KDM4C: variants seen among roughly 807,000 people sequenced by gnomAD.
KDM4C encodes the protein lysine-specific demethylase 4C.
A neutral mutation model predicts 129.3 loss-of-function variants in KDM4C; 81 were observed. The observed-to-expected ratio is 0.63, with a 90% confidence interval of 0.52 to 0.75. The LOEUF is 0.75. KDM4C is among the 30% of genes least tolerant of loss of function. The pLI is 0.00. For synonymous variants in KDM4C, 573 were observed against 456.1 expected (o/e 1.26, Z -3.26); for missense variants, 1,457 against 1,304.0 (o/e 1.12, Z -1.81).
Position 7,154,521 on chromosome 9 carries a change from T to C in KDM4C, c.2782-10717T>C, listed in dbSNP as rs553130125. Among the ~76,000 whole-genome samples, 5 of 152,310 alleles carry C rather than the reference T, an allele frequency of 3.3e-5. No homozygotes were observed. In the South Asian group the frequency reaches 1.0e-3, roughly 32 times the overall value. Reference sequence around the variant, plus strand: ...GGACAGCAGCTTCTAGGGATCCCTTTAGAAGGGTCTCGTAAGAGTTCCAAG... The same window carrying C: ...GGACAGCAGCTTCTAGGGATCCCTTCAGAAGGGTCTCGTAAGAGTTCCAAG... On this transcript the variant is annotated intron_variant, in intron 19 of 21. Transcript: ENST00000381309.
chr9:6,997,630 T>G (rs1250935314), intron 12 of KDM4C, among the ~76,000 whole-genome samples: 1 of 152,222 alleles, frequency 6.6e-6, no homozygotes. Context: ...TCTGGTTGAC[T>G]AACAGTCAAT....
At chr9:7,072,861 A>C (rs1038711536) in intron 17 of KDM4C, among the ~76,000 whole-genome samples, 1 of 152,218 alleles carries the variant, frequency 6.6e-6, no homozygotes, top group Non-Finnish European at 1.5e-5. Context: ...ATGGGGTACA[A>C]TGTGATCTTT....
At chr9:7,107,504 GT>G (rs1220254440) in intron 18 of KDM4C, among the ~76,000 whole-genome samples, 1 of 152,172 alleles carries the variant, frequency 6.6e-6, no homozygotes, top group East Asian at 1.9e-4. Flanking sequence ...AAGTTACTTA[GT>G]AAACTTTCAT....
rs375506102 is a variant in KDM4C, at chr9:6,951,577, C to T, written c.922-29348C>T. ...TTATGGTGGGGGCTATTGAGTATCT[C>T]TTGTAACCAGAACTGACCATTTAAG... On this transcript the variant is annotated intron_variant, in intron 8 of 21. Transcript: ENST00000381309. Among the ~76,000 whole-genome samples, 5 of 152,256 alleles carry T rather than the reference C, an allele frequency of 3.3e-5. No homozygotes were observed. In the East Asian group the frequency reaches 7.7e-4, roughly 23 times the overall value.
At chr9:7,058,876 A>T (rs1008636463) in intron 17 of KDM4C, among the ~76,000 whole-genome samples, 24 of 151,744 alleles carry the variant, frequency 1.6e-4, no homozygotes, top group African/African-American at 5.8e-4. Context: ...TTTTTTCTAT[A>T]ATGAATGCCA....
chr9:6,759,912 G>A (rs1384264032), intron 1 of KDM4C, among the ~76,000 whole-genome samples: 1 of 149,836 alleles, frequency 6.7e-6, no homozygotes, highest in Non-Finnish European at 1.5e-5. Context: ...CTGCACTCCA[G>A]CGTGGGTGAC....
At chr9:6,821,109 C>G (rs1258538206) in intron 4 of KDM4C, among the ~76,000 whole-genome samples, 1 of 152,142 alleles carries the variant, frequency 6.6e-6, no homozygotes, top group Non-Finnish European at 1.5e-5. Flanking sequence ...TTTTCTTAAT[C>G]CAGTCTATCA....
intron 4 of KDM4C, among the ~76,000 whole-genome samples, chr9:6,833,675 G>T (rs552737924): frequency 9.7e-4 from 147 of 152,284 alleles, no homozygotes; most frequent in Middle Eastern, 3.4e-3. Context: ...AAAACACCTC[G>T]TACAGGGCCT....
chr9:6,839,393 C>A (rs900119432), intron 4 of KDM4C, among the ~76,000 whole-genome samples: 3 of 142,368 alleles, frequency 2.1e-5, no homozygotes, highest in African/African-American at 7.8e-5. Context: ...CCACACCTGG[C>A]CAGTTTTTTT....
At chr9:6,910,890 G>C (rs1819178294) in intron 8 of KDM4C, among the ~76,000 whole-genome samples, 1 of 152,202 alleles carries the variant, frequency 6.6e-6, no homozygotes, top group Non-Finnish European at 1.5e-5. Context: ...TAAAAATGAT[G>C]TGGAGGTACG....
intron 8 of KDM4C, among the ~76,000 whole-genome samples, chr9:6,978,331 A>G (rs1462540786): frequency 6.7e-6 from 1 of 148,602 alleles, no homozygotes; most frequent in East Asian, 2.2e-4. Context: ...ATAATTCCAA[A>G]TAAACTTTAA....
intron 4 of KDM4C, among the ~76,000 whole-genome samples, chr9:6,827,046 T>A (rs2131279405): frequency 6.6e-6 from 1 of 152,256 alleles, no homozygotes; most frequent in South Asian, 2.1e-4. Flanking sequence ...CCACAGTGGG[T>A]GGCCAGATCG....
intron 8 of KDM4C, among the ~76,000 whole-genome samples, chr9:6,927,524 A>G (rs1014231511): frequency 6.6e-6 from 1 of 152,184 alleles, no homozygotes; most frequent in African/African-American, 2.4e-5. Context: ...TGGAATTGAT[A>G]ATAAGTGATG....
At chr9:6,985,658 A>G (rs894433959) in intron 10 of KDM4C, among the ~76,000 whole-genome samples, 7 of 152,194 alleles carry the variant, frequency 4.6e-5, no homozygotes, top group African/African-American at 1.7e-4. Context: ...TAGGCAATAC[A>G]TATGGATATT....
intron 17 of KDM4C, among the ~76,000 whole-genome samples, chr9:7,059,948 T>A (rs1349986371): frequency 6.6e-6 from 1 of 152,132 alleles, no homozygotes; most frequent in African/African-American, 2.4e-5. Flanking sequence ...AATAGAAGTT[T>A]TTTGTGATCC....
At chr9:6,778,092 C>CT (rs760255723) in intron 1 of KDM4C, among the ~76,000 whole-genome samples, 9,371 of 131,712 alleles carry the variant, frequency 0.071, 429 homozygotes, top group Non-Finnish European at 0.11. Context: ...CTAATTTTTT[C>CT]TTTTTTTTTT....
chr9:6,798,790 G>A (rs1416920145), intron 2 of KDM4C, among the ~76,000 whole-genome samples: 3 of 151,438 alleles, frequency 2.0e-5, no homozygotes, highest in South Asian at 2.1e-4. Flanking sequence ...CGGGCAGAGG[G>A]GCTCCTCACT....
chr9:6,909,634 C>T (rs1818921153), intron 8 of KDM4C, among the ~76,000 whole-genome samples: 1 of 151,930 alleles, frequency 6.6e-6, no homozygotes, highest in Non-Finnish European at 1.5e-5. Flanking sequence ...TAAAAATAAG[C>T]TTTCACTCGT....
At chr9:6,887,763 A>G (rs540317340) in intron 6 of KDM4C, among the ~76,000 whole-genome samples, 197 bp from the exon 7 acceptor site, 7 of 152,312 alleles carry the variant, frequency 4.6e-5, no homozygotes, top group South Asian at 4.1e-4. Flanking sequence ...AAGAAGATCA[A>G]CCTTTGGTGA....
Sources: allele counts gnomAD v4.1 joint callset (sites outside exome capture counted in the v4.1 genomes callset), GRCh38; gene constraint gnomAD v4.1.1; transcripts MANE v1.5; gene names NCBI Gene and HGNC (gene_info 2026-07-23, HGNC 2026-07-21).